Variants in DCAF17 observed in about 807,000 individuals in gnomAD.
DCAF17 encodes DDB1- and CUL4-associated factor 17.
A neutral mutation model predicts 66.0 loss-of-function variants in DCAF17; 48 were observed. The ratio of observed to expected loss-of-function variants is 0.73; its 90% CI spans 0.58 to 0.92. The LOEUF (loss-of-function observed/expected upper bound fraction) is 0.92. DCAF17 is among the 40% of genes least tolerant of loss of function. The probability of loss-of-function intolerance (pLI) is 0.00; values close to 1 mark genes in which losing one functional copy is unlikely to be tolerated. For missense variants in DCAF17, 562 were observed against 622.8 expected (o/e 0.90, Z 1.04); for synonymous variants, 206 against 214.6 (o/e 0.96, Z 0.35).
At position 171,477,322 on chromosome 2, in the gene DCAF17, G is replaced by A. The variant is rs570823292; in HGVS notation, c.1182+372G>A. On this transcript the variant is annotated intron_variant, in intron 11 of 13. Transcript: ENST00000375255. ...CTCCAGATGGTACTTTTCTTTTAGT[G>A]TATAAATTAAGACCACAAAGAAAAT... Among the ~76,000 whole-genome samples the A allele has an allele frequency of 3.1e-4, 47 of 152,122 alleles. 1 individual carries two copies. Among genetic ancestry groups the A allele is most frequent in the Non-Finnish European group, 6.3e-4 (43 of 68,034 alleles).
At chr2:171,467,712 A>C (rs893911004) in intron 8 of DCAF17, among the ~76,000 whole-genome samples, 1 of 144,508 alleles carries the variant, frequency 6.9e-6, no homozygotes. Context: ...CCTAGGTGAC[A>C]GAGCGAGACT....
chr2:171,474,235 C>T (rs762694451), intron 10 of DCAF17: 1 of 481,792 alleles, frequency 2.1e-6, no homozygotes, highest in Non-Finnish European at 3.8e-6. Flanking sequence ...GGCCCTTTCT[C>T]ATCAGGTCTT....
In DCAF17 at chr2:171,454,764, G is replaced by T. The variant is rs550770853; in HGVS notation, c.627+1551G>T. The stretch of plus-strand genomic sequence containing the variant: ...ATATAAAAATTAGCCACGGGTGGTA[G>T]TGCACACCTGTAGTCCCAGCTACTC... On this transcript the variant is annotated intron_variant, in intron 6 of 13. Coordinates refer to ENST00000375255, the MANE Select transcript of DCAF17 (RefSeq NM_025000.4). Among the ~76,000 whole-genome samples the T allele has an allele frequency of 1.7e-4, 26 of 152,022 alleles. No individual in the cohort carries two copies. In the East Asian group the frequency reaches 4.9e-3, roughly 29 times the overall value.
chr2:171,458,140 T>A lies in DCAF17; in HGVS notation c.732+65T>A. Reference sequence around the variant, plus strand: ...AGTTTTCGACTAAAGTATGATTTTTTTTTTTAGTGAGATGCTTTTAGAGTA... The same window carrying A: ...AGTTTTCGACTAAAGTATGATTTTTATTTTTAGTGAGATGCTTTTAGAGTA... On this transcript the variant is annotated intron_variant, in intron 7 of 13. Transcript: ENST00000375255. 2.8e-6 allele frequency: 4 copies of A among 1,453,456 alleles called. No homozygotes were observed. In the Middle Eastern group the frequency reaches 5.3e-4, roughly 194 times the overall value. 90.0% of individuals were successfully genotyped at this position (1,453,456 alleles called of 1,614,324 possible).
chr2:171,478,932 G>C lies in DCAF17; in HGVS notation c.1266+862G>C, dbSNP rs188432713. 1.5e-3 allele frequency among the ~76,000 whole-genome samples: 230 copies of C among 152,278 alleles called. 1 individual carries two copies. The highest frequency in any genetic ancestry group is 6.8e-3 in the Middle Eastern group (2 of 292). On this transcript the variant is annotated intron_variant, in intron 12 of 13. Transcript: ENST00000375255. ...TCCAAAAGGTAGCATAATTCATTAA[G>C]GGGGGAGAGGTGGTGGCAAAACAGG...
chr2:171,455,857 G>A (rs1695228719), intron 6 of DCAF17, among the ~76,000 whole-genome samples: 2 of 151,832 alleles, frequency 1.3e-5, no homozygotes, highest in Admixed American at 6.6e-5. Context: ...TTTTTAATGG[G>A]GTTGTTTTTT....
In DCAF17 at chr2:171,483,207, C is replaced by T; in HGVS notation, c.*2093C>T. On this transcript the variant is annotated 3_prime_UTR_variant, in exon 14 of 14. Coordinates refer to ENST00000375255, the MANE Select transcript of DCAF17 (RefSeq NM_025000.4). ...AGTGTCACACAGCTGCTCATTCTGC[C>T]ACCTGCCAGACATTAATGTCTTCCT... The T allele has an allele frequency of 2.2e-6, 1 of 454,118 alleles. No homozygotes were observed. Among genetic ancestry groups the T allele is most frequent in the Non-Finnish European group, 4.4e-6 (1 of 226,790 alleles). 28.1% of individuals were successfully genotyped at this position (454,118 alleles called of 1,614,324 possible). A position where few individuals can be genotyped will look rare whatever the true frequency, so the allele number is the denominator to read the frequency against.
intron 8 of DCAF17, among the ~76,000 whole-genome samples, chr2:171,464,549 A>G (rs1695783984): frequency 6.6e-6 from 1 of 152,150 alleles, no homozygotes; most frequent in South Asian, 2.1e-4. Context: ...TAACTTGATT[A>G]TATCTGTAAA....
At position 171,478,330 on chromosome 2, in the gene DCAF17, T is replaced by C. The variant is rs546458357; in HGVS notation, c.1266+260T>C. On this transcript the variant is annotated intron_variant, in intron 12 of 13. Transcript: ENST00000375255. ...TTGAAAACACGATTAGCTTATTGTT[T>C]TGTTTTATTTTGTATTGTTTTGTTT... 3.3e-5 allele frequency among the ~76,000 whole-genome samples: 5 copies of C among 152,290 alleles called. No homozygotes were observed. In the East Asian group the frequency reaches 9.7e-4, roughly 29 times the overall value.
At chr2:171,475,830 A>G (rs1202864404) in intron 10 of DCAF17, among the ~76,000 whole-genome samples, 1 of 152,156 alleles carries the variant, frequency 6.6e-6, no homozygotes, top group African/African-American at 2.4e-5. Context: ...TAATCAGTCT[A>G]CCTCTCTGGA....
intron 8 of DCAF17, among the ~76,000 whole-genome samples, chr2:171,468,022 G>T (rs1268609012): frequency 6.6e-6 from 1 of 152,094 alleles, no homozygotes; most frequent in Non-Finnish European, 1.5e-5. Flanking sequence ...GCAGTCATAG[G>T]TTAGCCACCT....
intron 9 of DCAF17, among the ~76,000 whole-genome samples, 162 bp downstream of exon 9, chr2:171,469,192 A>G (rs1190064747): frequency 6.6e-6 from 1 of 152,268 alleles, no homozygotes; most frequent in African/African-American, 2.4e-5. Context: ...TATAGAAAAC[A>G]TTTGTGTGTA....
intron 3 of DCAF17, among the ~76,000 whole-genome samples, chr2:171,447,135 T>G (rs1349926640): frequency 6.6e-6 from 1 of 152,126 alleles, no homozygotes; most frequent in East Asian, 1.9e-4. Flanking sequence ...TTGTGAGTTT[T>G]TTGTATTGTT....
Position 171,434,529 on chromosome 2 carries a change from G to A in DCAF17, c.-49G>A. ...GCGGCTGCCCAGCACGGGAGTGTGG[G>A]GCGCGCCACTCGGCGGCCCAGCCTA... On this transcript the variant is annotated 5_prime_UTR_variant, in exon 1 of 14. Transcript: ENST00000375255. The A allele has an allele frequency of 4.6e-6, 7 of 1,523,178 alleles. No individual in the cohort carries two copies. The highest frequency in any genetic ancestry group is 6.1e-6 in the Non-Finnish European group (7 of 1,140,110). The allele number at this position is 1,523,178 out of a possible 1,614,324, so 94.4% of individuals were successfully genotyped here. A position where few individuals can be genotyped will look rare whatever the true frequency, so the allele number is the denominator to read the frequency against.
In DCAF17 at chr2:171,434,449, C is replaced by A; in HGVS notation, c.-129C>A. ...GTGCTCCCTGCCCGCCTCCCCGTGT[C>A]AGCTTTCCCTGGGCCCCGCCGGGAA... On this transcript the variant is annotated 5_prime_UTR_variant, in exon 1 of 14. Transcript: ENST00000375255. 6.7e-7 allele frequency: 1 copy of A among 1,482,962 alleles called. No homozygotes were observed. The highest frequency in any genetic ancestry group is 9.1e-7 in the Non-Finnish European group (1 of 1,104,246). The allele number at this position is 1,482,962 out of a possible 1,614,324, so 91.9% of individuals were successfully genotyped here.
chr2:171,445,499 A>C (rs1167328400), intron 3 of DCAF17, among the ~76,000 whole-genome samples: 1 of 152,122 alleles, frequency 6.6e-6, no homozygotes, highest in African/African-American at 2.4e-5. Flanking sequence ...AAAAACCAGG[A>C]GCATTTTGAA....
At chr2:171,468,499 A>T (rs986897966) in intron 8 of DCAF17, among the ~76,000 whole-genome samples, 1 of 152,220 alleles carries the variant, frequency 6.6e-6, no homozygotes, top group Non-Finnish European at 1.5e-5. Flanking sequence ...TAGGATTATT[A>T]TGAGAGTTGG....
Position 171,481,644 on chromosome 2 carries a change from A to G in DCAF17, c.*530A>G, listed in dbSNP as rs115676571. 1.1e-3 allele frequency: 479 copies of G among 453,056 alleles called. 4 individuals are homozygous for G. The highest frequency in any genetic ancestry group is 8.9e-3 in the African/African-American group (446 of 49,956). The allele number at this position is 453,056 out of a possible 1,614,324, so 28.1% of individuals were successfully genotyped here. On this transcript the variant is annotated 3_prime_UTR_variant, in exon 14 of 14. Transcript: ENST00000375255. ...TCATCACAGTTTTTAAAAATCTTAT[A>G]TATGTATTTATATGTGTTTCGTATT... is the stretch of plus-strand genomic sequence containing the variant.
intron 11 of DCAF17, 65 bp from the exon 12 acceptor site, chr2:171,477,922 C>T (rs753755740): frequency 2.9e-6 from 4 of 1,389,084 alleles, no homozygotes; most frequent in Non-Finnish European, 4.1e-6. Flanking sequence ...TTTGTTAATA[C>T]AGTTTTACCT....
Sources: gnomAD v4.1 joint callset for allele counts (sites outside exome capture counted in the v4.1 genomes callset) on GRCh38, gnomAD v4.1.1 for gene constraint, MANE v1.5 for transcripts, NCBI Gene and HGNC (gene_info 2026-07-23, HGNC 2026-07-21) for gene names.